The following CNTN1 variants were observed in gnomAD, a reference collection of about 807,000 sequenced individuals.
CNTN1 encodes contactin 1, also known as contactin-1.
CNTN1 carries 38 observed loss-of-function variants against 126.4 expected under a neutral mutation model. The observed-to-expected ratio is 0.30, with a 90% CI of 0.23 to 0.39. The LOEUF (loss-of-function observed/expected upper bound fraction) is 0.39. CNTN1 is among the 10% of genes least tolerant of loss of function. The pLI, the probability that CNTN1 is intolerant of heterozygous loss-of-function variation, is 1.00. For synonymous variants in CNTN1, 413 were observed against 422.6 expected (o/e 0.98, Z 0.28); for missense variants, 1,009 against 1,248.4 (o/e 0.81, Z 2.89).
At chr12:40,749,404 G>A (rs2136394812) in intron 1 of CNTN1, among the ~76,000 whole-genome samples, 1 of 152,172 alleles carries the variant, frequency 6.6e-6, no homozygotes, top group South Asian at 2.1e-4. Flanking sequence ...CTGCACAGGA[G>A]TGTACAGATA....
chr12:40,918,035 T>C (rs1945305659), intron 3 of CNTN1, among the ~76,000 whole-genome samples: 1 of 152,174 alleles, frequency 6.6e-6, no homozygotes, highest in African/African-American at 2.4e-5. Context: ...AGACTCTTGT[T>C]CAAAAATCAT....
chr12:40,922,922 G>A (rs541090840), intron 5 of CNTN1, among the ~76,000 whole-genome samples: 13 of 142,016 alleles, frequency 9.2e-5, no homozygotes, highest in African/African-American at 3.5e-4. Flanking sequence ...AGTAAGCCGA[G>A]ATTGTGCCAC....
At chr12:40,999,695 T>C (rs1374587160) in intron 17 of CNTN1, among the ~76,000 whole-genome samples, 1 of 138,258 alleles carries the variant, frequency 7.2e-6, no homozygotes, top group Non-Finnish European at 1.5e-5. Flanking sequence ...TGTTCTTCTG[T>C]GCTTTTTTTT....
At chr12:41,057,341 A>G (rs1177804607) in intron 23 of CNTN1, among the ~76,000 whole-genome samples, 4 of 151,262 alleles carry the variant, frequency 2.6e-5, no homozygotes, top group African/African-American at 9.7e-5. Flanking sequence ...TTAACTTAAA[A>G]TAGACCATGA....
At chr12:40,887,938 C>A (rs1461220017) in intron 1 of CNTN1, among the ~76,000 whole-genome samples, 6 of 146,188 alleles carry the variant, frequency 4.1e-5, no homozygotes, top group Non-Finnish European at 8.9e-5. Context: ...ACTGCATGTT[C>A]TCACTCATAG....
At chr12:40,965,639 G>A (rs1292427068) in intron 15 of CNTN1, among the ~76,000 whole-genome samples, 1 of 152,014 alleles carries the variant, frequency 6.6e-6, no homozygotes, top group Non-Finnish European at 1.5e-5. Context: ...ATTATTTAGG[G>A]TTCTATTTGC....
At chr12:40,866,761 TA>T (rs1438469624) in intron 1 of CNTN1, among the ~76,000 whole-genome samples, 1 of 152,220 alleles carries the variant, frequency 6.6e-6, no homozygotes, top group African/African-American at 2.4e-5. Flanking sequence ...CTCACCTGTT[TA>T]TTTTTTTATA....
chr12:41,002,558 C>CTTTTT (rs1360030646), intron 17 of CNTN1, among the ~76,000 whole-genome samples: 5 of 134,598 alleles, frequency 3.7e-5, no homozygotes, highest in East Asian at 2.1e-4. Context: ...GGGTTTCTTT[C>CTTTTT]TTTTTTTTTT....
chr12:40,798,872 C>T (rs1224629762), intron 1 of CNTN1, among the ~76,000 whole-genome samples: 1 of 151,974 alleles, frequency 6.6e-6, no homozygotes, highest in Non-Finnish European at 1.5e-5. Context: ...AACAAACCTC[C>T]ACATGTACTC....
At chr12:40,984,116 T>G (rs1368524901) in intron 16 of CNTN1, among the ~76,000 whole-genome samples, 3 of 150,918 alleles carry the variant, frequency 2.0e-5, no homozygotes, top group Non-Finnish European at 4.4e-5. Context: ...GAAATATATA[T>G]AAATATATAT....
chr12:40,698,696 C>G (rs945513278), intron 1 of CNTN1, among the ~76,000 whole-genome samples: 2 of 152,280 alleles, frequency 1.3e-5, no homozygotes, highest in African/African-American at 4.8e-5. Context: ...CCAATTTCAT[C>G]GTATTCTTCC....
At chr12:40,762,500 A>C (rs1317192684) in intron 1 of CNTN1, among the ~76,000 whole-genome samples, 17 of 152,222 alleles carry the variant, frequency 1.1e-4, no homozygotes, top group Non-Finnish European at 5.9e-5. Context: ...TTTAGGCAAA[A>C]ACTTTACAAA....
Position 40,944,115 on chromosome 12 carries a change from A to G in CNTN1, c.1628A>G (p.Asn543Ser), listed in dbSNP as rs1946356190. The part of the protein sequence containing the change: ...ALDLTFVWSF[N>S]GYVIDFNKEN... ...GATCTCACATTTGTTTGGTCCTTCA[A>G]TGGCTATGTGATCGATTTTAACAAA... Residue 543 changes from asparagine (N) to serine (S), a missense_variant, in exon 14 of 24, where the codon AAT becomes AGT. By Grantham distance (46) the Asn-to-Ser change is conservative. Coordinates refer to ENST00000551295, the MANE Select transcript of CNTN1 (RefSeq NM_001843.4). The G allele has an allele frequency of 6.2e-7, 1 of 1,613,540 alleles. No homozygotes were observed. The highest frequency in any genetic ancestry group is 1.3e-5 in the African/African-American group (1 of 75,000).
chr12:40,942,166 G>T (rs1314274902), intron 12 of CNTN1, among the ~76,000 whole-genome samples: 1 of 152,050 alleles, frequency 6.6e-6, no homozygotes, highest in East Asian at 1.9e-4. Flanking sequence ...CTTGGCTGAG[G>T]ATTTATACTA....
chr12:40,701,408 A>G (rs1484005912), intron 1 of CNTN1, among the ~76,000 whole-genome samples: 1 of 152,190 alleles, frequency 6.6e-6, no homozygotes, highest in Non-Finnish European at 1.5e-5. Flanking sequence ...AACCATAAAC[A>G]GTAATTCTCT....
intron 1 of CNTN1, among the ~76,000 whole-genome samples, chr12:40,797,472 C>T (rs1358249158): frequency 6.6e-6 from 1 of 151,824 alleles, no homozygotes. Flanking sequence ...TGGGAGAGTG[C>T]CCAGGGTGAC....
chr12:40,805,751 T>C (rs1368770637), intron 1 of CNTN1, among the ~76,000 whole-genome samples: 3 of 152,028 alleles, frequency 2.0e-5, no homozygotes, highest in Non-Finnish European at 4.4e-5. Context: ...TGCTAAACAT[T>C]GTGTATGGAA....
chr12:40,840,682 A>G (rs1256433542), intron 1 of CNTN1, among the ~76,000 whole-genome samples: 3 of 152,024 alleles, frequency 2.0e-5, no homozygotes, highest in African/African-American at 4.8e-5. Context: ...AGAAATCAAT[A>G]CCAAGAGGAA....
intron 1 of CNTN1, among the ~76,000 whole-genome samples, chr12:40,713,441 CTAAA>C (rs1176297836): frequency 6.9e-6 from 1 of 145,220 alleles, no homozygotes; most frequent in African/African-American, 2.5e-5. Context: ...TTATATTATA[CTAAA>C]TAAAGTATAT....
Sources: gnomAD v4.1 joint callset for allele counts (sites outside exome capture counted in the v4.1 genomes callset) on GRCh38, gnomAD v4.1.1 for gene constraint, MANE v1.5 for transcripts, NCBI Gene and HGNC (gene_info 2026-07-23, HGNC 2026-07-21) for gene names.